Variants in RGPD4 observed in about 807,000 individuals in gnomAD.
RGPD4 encodes ranBP2-like and GRIP domain-containing protein 4.
RGPD4 carries 84 observed loss-of-function variants against 141.1 expected under a neutral mutation model. The ratio of observed to expected loss-of-function variants is 0.60; its 90% confidence interval spans 0.50 to 0.71. RGPD4 has a LOEUF of 0.71. Ranked by LOEUF, RGPD4 falls within the 30% of genes least tolerant of loss-of-function variation. The pLI, the probability that RGPD4 is intolerant of heterozygous loss-of-function variation, is 0.00. For synonymous variants in RGPD4, 298 were observed against 566.8 expected (o/e 0.53, Z 6.74); for missense variants, 918 against 1,622.4 (o/e 0.57, Z 7.46).
intron 22 of RGPD4, among the ~76,000 whole-genome samples, chr2:107,888,821 G>C (rs1179128357): frequency 7.1e-6 from 1 of 140,652 alleles, no homozygotes; most frequent in African/African-American, 2.8e-5. Context: ...TACCACATAA[G>C]TTTGGAAGTA....
chr2:107,880,065 G>T lies in RGPD4; in HGVS notation c.5022G>T (p.Arg1674=). ...CAGATCACTTAAACGGCCTGCTTCG[G>T]GAAGCAGAGGCAACCAGTGCAGTCC... The part of the protein sequence containing the change: ...KSADHLNGLL[R]EAEATSAVLM... The change falls in exon 21 of 23, where the codon CGG becomes CGT. Residue 1674 remains arginine, a synonymous_variant. Transcript: ENST00000408999. 6.2e-7 allele frequency: 1 copy of T among 1,611,376 alleles called. No homozygotes were observed. Among genetic ancestry groups the T allele is most frequent in the East Asian group, 2.2e-5 (1 of 44,868 alleles).
chr2:107,831,943 T>G (rs931768765), intron 1 of RGPD4, among the ~76,000 whole-genome samples: 1 of 137,670 alleles, frequency 7.3e-6, no homozygotes, highest in African/African-American at 2.8e-5. Flanking sequence ...TTGCCCCTCA[T>G]TCTTTCAGTA....
At chr2:107,854,079 G>A (rs1326542720) in intron 7 of RGPD4, among the ~76,000 whole-genome samples, 1 of 139,826 alleles carries the variant, frequency 7.2e-6, no homozygotes, top group East Asian at 2.0e-4. Context: ...TTTTGCGATG[G>A]AGTCTCGCTC....
At chr2:107,845,802 G>A (rs1296659392) in intron 6 of RGPD4, among the ~76,000 whole-genome samples, 2 of 152,036 alleles carry the variant, frequency 1.3e-5, no homozygotes, top group South Asian at 2.1e-4. Context: ...CTGACCTCGT[G>A]ATCTGCCCTC....
intron 22 of RGPD4, among the ~76,000 whole-genome samples, chr2:107,886,680 G>A (rs910836884): frequency 6.6e-6 from 1 of 152,062 alleles, no homozygotes; most frequent in Non-Finnish European, 1.5e-5. Context: ...GGGGCATTTT[G>A]TTACCAAGGC....
chr2:107,881,885 T>C (rs1192288217), intron 21 of RGPD4, among the ~76,000 whole-genome samples: 1 of 151,774 alleles, frequency 6.6e-6, no homozygotes, highest in East Asian at 1.9e-4. Flanking sequence ...TTTCACTGTG[T>C]CTGAACTTTT....
At chr2:107,863,787 C>T (rs978535631) in intron 17 of RGPD4, among the ~76,000 whole-genome samples, 2 of 151,950 alleles carry the variant, frequency 1.3e-5, no homozygotes, top group African/African-American at 4.9e-5. Flanking sequence ...ACCACCGCAC[C>T]CAGCCCTTTA....
At chr2:107,845,710 C>G (rs1161399169) in intron 6 of RGPD4, among the ~76,000 whole-genome samples, 7 of 152,190 alleles carry the variant, frequency 4.6e-5, no homozygotes, top group African/African-American at 1.7e-4. Context: ...ACTACAGGCG[C>G]CCACCACCAC....
Position 107,872,057 on chromosome 2 carries a change from G to C in RGPD4, c.4053G>C (p.Glu1351Asp), listed in dbSNP as rs750916031. ...LPDLVEVSSG[E>D]ENEKVVFSHR... Reference sequence around the variant, plus strand: ...ATCTAGTTGAAGTATCCAGTGGTGAGGAAAATGAAAAAGTTGTTTTTAGTC... The same window carrying C: ...ATCTAGTTGAAGTATCCAGTGGTGACGAAAATGAAAAAGTTGTTTTTAGTC... The change falls in exon 20 of 23, where the codon GAG (glutamate) becomes GAC (aspartate). Residue 1351 changes from glutamate to aspartate, a missense_variant. By Grantham distance (45) the Glu-to-Asp change is conservative. Transcript: ENST00000408999. The C allele has an allele frequency of 1.6e-5, 25 of 1,611,314 alleles. 1 individual carries two copies. The African/African-American group carries it at 3.0e-4, about 19-fold the overall frequency.
rs773807785 is a variant in RGPD4 at position 107,827,032 on chromosome 2, T to C, written c.19T>C (p.Tyr7His). The part of the protein sequence containing the change: MSCSKA[Y>H]GERYVASVQG... The stretch of plus-strand genomic sequence containing the variant: ...TGGCGCGATGAGTTGCAGCAAGGCC[T>C]ACGGGGAGCGGTACGTCGCCTCCGT... The change falls in exon 1 of 23, where the codon TAC becomes CAC. Residue 7 changes from tyrosine to histidine, a missense_variant. Coordinates refer to ENST00000408999, the MANE Select transcript of RGPD4 (RefSeq NM_182588.3). The C allele has an allele frequency of 9.4e-6, 15 of 1,599,820 alleles. No homozygotes were observed. Among genetic ancestry groups the C allele is most frequent in the Non-Finnish European group, 1.3e-5 (15 of 1,174,712 alleles).
In RGPD4 at chr2:107,882,735, G is replaced by C. The variant is rs767746899; in HGVS notation, c.5128G>C (p.Val1710Leu). 2.5e-6 allele frequency: 4 copies of C among 1,611,544 alleles called. No homozygotes were observed. Among genetic ancestry groups the C allele is most frequent in the East Asian group, 2.2e-5 (1 of 44,890 alleles). Residue 1710 changes from valine to leucine, a missense_variant, in exon 22 of 23, where the codon GTG becomes CTG. Val to Leu is a conservative substitution (Grantham distance 32). Coordinates refer to ENST00000408999, the MANE Select transcript of RGPD4 (RefSeq NM_182588.3). ...AGAGCAAGAGGAGTCTGCAGCTAAC[G>C]TGGAACACTTGAAGAACGTCTTGCT... is the stretch of plus-strand genomic sequence containing the variant. The part of the protein sequence containing the change: ...NQEQEESAAN[V>L]EHLKNVLLQF...
intron 1 of RGPD4, among the ~76,000 whole-genome samples, chr2:107,834,249 A>T (rs1429302818): frequency 6.7e-6 from 1 of 150,090 alleles, no homozygotes; most frequent in Non-Finnish European, 1.5e-5. Flanking sequence ...TTTAGATGCG[A>T]TTGTAAATGG....
chr2:107,827,106 C>T (rs1681217921), intron 1 of RGPD4, 21 bp downstream of exon 1: 1 of 1,579,214 alleles, frequency 6.3e-7, no homozygotes, highest in South Asian at 1.2e-5. Flanking sequence ...CTCGAAGAGA[C>T]CGACGGCCTC....
At chr2:107,880,245 G>A (rs1367715473) in intron 21 of RGPD4, 138 bp downstream of exon 21, 4 of 807,778 alleles carry the variant, frequency 5.0e-6, no homozygotes, top group Admixed American at 5.5e-5. Flanking sequence ...ATTCCTGATG[G>A]TGAGAAATAT....
intron 14 of RGPD4, 31 bp from the exon 15 acceptor site, chr2:107,861,563 T>C: frequency 6.2e-7 from 1 of 1,609,522 alleles, no homozygotes. Flanking sequence ...TTTAAAAAGC[T>C]AATGATTTCA....
chr2:107,880,259 CTTTTTTTTTTT>C (rs58305715), intron 21 of RGPD4, among the ~76,000 whole-genome samples, 152 bp downstream of exon 21: 2 of 48,184 alleles, frequency 4.2e-5, no homozygotes, highest in East Asian at 4.6e-4. Flanking sequence ...GAAATATTGC[CTTTTTTTTTTT>C]TTTTTTTTTT....
chr2:107,878,380 G>A (rs1423720595), intron 20 of RGPD4, among the ~76,000 whole-genome samples: 1 of 143,552 alleles, frequency 7.0e-6, no homozygotes, highest in African/African-American at 2.5e-5. Flanking sequence ...CTGTAACCCG[G>A]GAAGAGGGAG....
chr2:107,883,843 C>T (rs1031721575), intron 22 of RGPD4, among the ~76,000 whole-genome samples: 11 of 152,016 alleles, frequency 7.2e-5, no homozygotes, highest in South Asian at 2.1e-4. Context: ...ACAAGGAAGG[C>T]GCTATAATCT....
At chr2:107,862,905 T>A in intron 16 of RGPD4, 44 bp downstream of exon 16, 1 of 1,606,986 alleles carries the variant, frequency 6.2e-7, no homozygotes, top group Non-Finnish European at 8.5e-7. Flanking sequence ...AAATTGTTTC[T>A]AAGTGTTTTA....
Sources: allele counts gnomAD v4.1 joint callset (sites outside exome capture counted in the v4.1 genomes callset), GRCh38; gene constraint gnomAD v4.1.1; transcripts MANE v1.5; gene names NCBI Gene and HGNC (gene_info 2026-07-23, HGNC 2026-07-21).